Variants in LUZP2 observed in about 807,000 individuals in gnomAD.
The protein encoded by LUZP2 is leucine zipper protein 2.
Under a neutral mutation model 51.6 loss-of-function variants are expected in LUZP2, and 52 were observed. The ratio of observed to expected loss-of-function variants is 1.01; its 90% CI spans 0.81 to 1.27. The LOEUF (loss-of-function observed/expected upper bound fraction) is 1.27. Ranked by LOEUF, LUZP2 falls within the 50% of genes most tolerant of loss-of-function variation. The pLI is 0.00. For missense variants in LUZP2, 436 were observed against 395.4 expected, an observed-to-expected ratio of 1.10 and a Z score of -0.87; for synonymous variants, 154 against 137.3, an observed-to-expected ratio of 1.12 and a Z score of -0.85.
At chr11:24,998,079 C>T (rs1187914557) in intron 9 of LUZP2, among the ~76,000 whole-genome samples, 1 of 152,082 alleles carries the variant, frequency 6.6e-6, no homozygotes, top group Admixed American at 6.5e-5. Flanking sequence ...GTTCTTTTTG[C>T]TTAGGATTGA....
chr11:24,882,602 T>C (rs1296182513), intron 5 of LUZP2, among the ~76,000 whole-genome samples: 1 of 152,084 alleles, frequency 6.6e-6, no homozygotes. Flanking sequence ...TTGCTATGTC[T>C]ATTCCTTCCT....
intron 1 of LUZP2, among the ~76,000 whole-genome samples, chr11:24,543,823 C>CAA (rs71041774): frequency 0.017 from 1,303 of 75,536 alleles, 95 homozygotes; most frequent in Middle Eastern, 0.031. Context: ...CTCTGTCTCA[C>CAA]AAAAAAAAAA....
At chr11:25,072,072 T>A (rs1023429896) in intron 10 of LUZP2, among the ~76,000 whole-genome samples, 6 of 152,058 alleles carry the variant, frequency 3.9e-5, no homozygotes, top group African/African-American at 1.4e-4. Context: ...GTTGATTAAA[T>A]TAAAGCCCAA....
chr11:24,640,583 G>A (rs1460705354), intron 1 of LUZP2, among the ~76,000 whole-genome samples: 1 of 151,754 alleles, frequency 6.6e-6, no homozygotes, highest in African/African-American at 2.4e-5. Context: ...TATTTATTTA[G>A]ATAAATGTTT....
Position 25,050,088 on chromosome 11 carries a change from A to G in LUZP2, c.816A>G (p.Thr272=), listed in dbSNP as rs201708419. ...GNNESSQVES[T]KEGNPSTTAC... is the part of the protein sequence containing the mutation. ...ATGAGAGCTCTCAAGTTGAGTCAAC[A>G]AAGGAAGGAAATCCAAGTACCACTG... Residue 272 remains threonine, a synonymous_variant, in exon 10 of 12, where the codon ACA becomes ACG. Coordinates refer to ENST00000336930, the MANE Select transcript of LUZP2 (RefSeq NM_001009909.4). 18 of 1,600,428 alleles carry G rather than the reference A, an allele frequency of 1.1e-5. No individual in the cohort carries two copies. The East Asian group carries it at 3.6e-4, about 32-fold the overall frequency.
chr11:24,577,251 C>G (rs1196431869), intron 1 of LUZP2, among the ~76,000 whole-genome samples: 3 of 151,868 alleles, frequency 2.0e-5, no homozygotes, highest in African/African-American at 7.3e-5. Context: ...TCTTATATTA[C>G]TCATATTTTT....
At chr11:25,044,457 A>G (rs552245440) in intron 9 of LUZP2, among the ~76,000 whole-genome samples, 122 of 152,018 alleles carry the variant, frequency 8.0e-4, no homozygotes, top group African/African-American at 2.8e-3. Flanking sequence ...TGGCAAAGGC[A>G]TGTATGAAGG....
chr11:24,502,863 G>A (rs567389585), intron 1 of LUZP2, among the ~76,000 whole-genome samples: 1 of 152,322 alleles, frequency 6.6e-6, no homozygotes, highest in African/African-American at 2.4e-5. Flanking sequence ...GTGAGTACAA[G>A]TGTCAAGGAA....
At chr11:24,587,737 A>G (rs76346166) in intron 1 of LUZP2, among the ~76,000 whole-genome samples, 8,448 of 152,210 alleles carry the variant, frequency 0.056, 282 homozygotes, top group Middle Eastern at 0.078. Context: ...AGAAACAACT[A>G]TGACACAATC....
intron 9 of LUZP2, among the ~76,000 whole-genome samples, chr11:25,006,754 G>A (rs1856845304): frequency 6.6e-6 from 1 of 152,142 alleles, no homozygotes; most frequent in Admixed American, 6.5e-5. Flanking sequence ...TGGATTCTTG[G>A]TCTCGCTAAC....
intron 8 of LUZP2, among the ~76,000 whole-genome samples, chr11:24,981,042 G>A (rs1222700665): frequency 6.6e-6 from 1 of 151,826 alleles, no homozygotes; most frequent in Non-Finnish European, 1.5e-5. Context: ...TATTTCATTA[G>A]GTGACAGCTT....
intron 1 of LUZP2, among the ~76,000 whole-genome samples, chr11:24,653,308 C>A (rs560344881): frequency 6.6e-6 from 1 of 152,080 alleles, no homozygotes; most frequent in Non-Finnish European, 1.5e-5. Context: ...GGGAGTGAGA[C>A]AGATAAGTCA....
chr11:25,012,256 A>G (rs1338330044), intron 9 of LUZP2, among the ~76,000 whole-genome samples: 4 of 152,150 alleles, frequency 2.6e-5, no homozygotes, highest in African/African-American at 7.2e-5. Flanking sequence ...GACGTGAATA[A>G]CCAGGTAGTA....
At chr11:24,535,995 C>T (rs561612020) in intron 1 of LUZP2, among the ~76,000 whole-genome samples, 5 of 151,736 alleles carry the variant, frequency 3.3e-5, no homozygotes, top group African/African-American at 7.2e-5. Context: ...ATAAAAGCAA[C>T]GTTAATCTCC....
chr11:24,777,122 G>A (rs1848953103), intron 5 of LUZP2, among the ~76,000 whole-genome samples: 1 of 151,626 alleles, frequency 6.6e-6, no homozygotes, highest in South Asian at 2.1e-4. Flanking sequence ...AGCCTCCTGA[G>A]TAGCTGGGAC....
intron 7 of LUZP2, among the ~76,000 whole-genome samples, chr11:24,956,208 A>G (rs1412926400): frequency 6.6e-6 from 1 of 151,824 alleles, no homozygotes; most frequent in Non-Finnish European, 1.5e-5. Context: ...GAACATGTGG[A>G]TATGTGATTG....
intron 7 of LUZP2, among the ~76,000 whole-genome samples, chr11:24,954,967 G>A (rs570140285): frequency 6.6e-6 from 1 of 152,134 alleles, no homozygotes; most frequent in East Asian, 1.9e-4. Context: ...TTAGGAAGAA[G>A]GGTCAGGTAC....
intron 1 of LUZP2, chr11:24,646,526 A>T: frequency 1.1e-6 from 1 of 920,234 alleles, no homozygotes. Flanking sequence ...TGCTTTCCTA[A>T]TTAATAGTCT....
rs745691448 is a variant in LUZP2 at position 24,991,376 on chromosome 11, ATGTGTG to A, written c.765+8099_765+8104del. On this transcript the variant is annotated intron_variant, in intron 9 of 11. Transcript: ENST00000336930. ...TATATATATATGTGTGTGTATATAT[ATGTGTG>A]TGTGTGTGTGTGTGTATATATATAT... Among the ~76,000 whole-genome samples, 105 of 126,204 alleles carry A rather than the reference ATGTGTG, an allele frequency of 8.3e-4. No homozygotes were observed. In the East Asian group the frequency reaches 0.02, roughly 24 times the overall value. The allele number at this position is 126,204 out of a possible 152,430, so 82.8% of individuals were successfully genotyped here.
Sources: gnomAD v4.1 joint callset for allele counts (sites outside exome capture counted in the v4.1 genomes callset) on GRCh38, gnomAD v4.1.1 for gene constraint, MANE v1.5 for transcripts, NCBI Gene and HGNC (gene_info 2026-07-23, HGNC 2026-07-21) for gene names.